The following PTPN4 variants were observed in gnomAD, a reference collection of about 807,000 sequenced individuals.
The protein encoded by PTPN4 is protein tyrosine phosphatase non-receptor type 4.
Under a neutral mutation model 135.5 loss-of-function variants are expected in PTPN4, and 49 were observed. That is an observed-to-expected ratio of 0.36 (90% CI 0.29 to 0.46). The LOEUF is 0.46. Ranked by LOEUF, PTPN4 falls within the 20% of genes least tolerant of loss-of-function variation. The pLI is 1.00. For synonymous variants in PTPN4, 333 were observed against 369.9 expected, an observed-to-expected ratio of 0.90 and a Z score of 1.14; for missense variants, 860 against 1,101.0, an observed-to-expected ratio of 0.78 and a Z score of 3.10.
chr2:119,828,562 G>A (rs1677177298), intron 2 of PTPN4, among the ~76,000 whole-genome samples: 1 of 152,104 alleles, frequency 6.6e-6, no homozygotes, highest in Non-Finnish European at 1.5e-5. Flanking sequence ...TACTTCTGTT[G>A]GGCAATTATC....
intron 1 of PTPN4, among the ~76,000 whole-genome samples, chr2:119,777,861 G>T (rs1267989680): frequency 6.6e-6 from 1 of 151,818 alleles, no homozygotes; most frequent in African/African-American, 2.4e-5. Flanking sequence ...TTGGCATATT[G>T]CCCAGGCTGA....
intron 4 of PTPN4, 43 bp from the exon 5 acceptor site, chr2:119,877,421 T>G: frequency 6.2e-7 from 1 of 1,608,020 alleles, no homozygotes; most frequent in Non-Finnish European, 8.5e-7. Context: ...AGATAAAGGA[T>G]TAATATAGTC....
chr2:119,856,215 T>C (rs1177836560), intron 2 of PTPN4, among the ~76,000 whole-genome samples: 1 of 152,204 alleles, frequency 6.6e-6, no homozygotes, highest in Non-Finnish European at 1.5e-5. Flanking sequence ...TTAGGGCTTC[T>C]CATCCTTTTA....
chr2:119,973,655 G>GTTTTTTTTTTTTTTTTTTTT lies in PTPN4; in HGVS notation c.2695-3321_2695-3302dup, dbSNP rs70949378. ...TTGAAAGCTTCCTCCTTCATTTCTT[G>GTTTTTTTTTTTTTTTTTTTT]TTTTTTTTTTTTTTTTTTTTTTTTT... On this transcript the variant is annotated intron_variant, in intron 26 of 26. Transcript: ENST00000263708. Among the ~76,000 whole-genome samples the GTTTTTTTTTTTTTTTTTTTT allele has an allele frequency of 8.1e-4, 31 of 38,394 alleles. 8 individuals carry two copies. The highest frequency in any genetic ancestry group is 2.2e-3 in the South Asian group (2 of 930). The allele number at this position is 38,394 out of a possible 152,430, so 25.2% of individuals were successfully genotyped here. A position where few individuals can be genotyped will look rare whatever the true frequency, so the allele number is the denominator to read the frequency against.
chr2:119,972,018 A>G (rs887229123), intron 26 of PTPN4, among the ~76,000 whole-genome samples: 3 of 152,260 alleles, frequency 2.0e-5, no homozygotes, highest in Admixed American at 6.5e-5. Context: ...TTCCTATGCT[A>G]GTACTACACT....
At position 119,809,921 on chromosome 2, in the gene PTPN4, A is replaced by G. The variant is rs1368451762; in HGVS notation, c.68A>G (p.Asp23Gly). 9 of 1,613,812 alleles carry G rather than the reference A, an allele frequency of 5.6e-6. No homozygotes were observed. The highest frequency in any genetic ancestry group is 6.8e-6 in the Non-Finnish European group (8 of 1,179,832). Reference protein sequence around the residue: ...YNVRASELARDRQHTEVVCNI... With the variant: ...YNVRASELARGRQHTEVVCNI... ...GTACGAGCATCAGAGTTGGCCCGAG[A>G]CAGACAGCATACTGAAGTGGTTTGC... The change falls in exon 2 of 27, where the codon GAC becomes GGC. Residue 23 changes from aspartate to glycine, a missense_variant. Transcript: ENST00000263708.
chr2:119,884,803 TG>T (rs1315490045), intron 8 of PTPN4, among the ~76,000 whole-genome samples: 3 of 152,194 alleles, frequency 2.0e-5, no homozygotes, highest in South Asian at 2.1e-4. Context: ...GGAAGTGTAC[TG>T]TTTTTTTTGA....
intron 1 of PTPN4, among the ~76,000 whole-genome samples, chr2:119,796,716 T>C (rs1037087987): frequency 6.6e-6 from 1 of 152,230 alleles, no homozygotes; most frequent in African/African-American, 2.4e-5. Context: ...AATGGACAGC[T>C]CATAAAGCAG....
At position 119,805,850 on chromosome 2, in the gene PTPN4, G is replaced by A. The variant is rs1161815229; in HGVS notation, c.-17-3987G>A. On this transcript the variant is annotated intron_variant, in intron 1 of 26. Transcript: ENST00000263708. ...TTGTTAGCTTGATGGGGATGGCATT[G>A]AATCTATAAATTACCTTGGGCAGTA... Among the ~76,000 whole-genome samples, 4 of 152,212 alleles carry A rather than the reference G, an allele frequency of 2.6e-5. No individual in the cohort carries two copies. The East Asian group carries it at 5.8e-4, about 22-fold the overall frequency.
At chr2:119,878,860 A>G (rs990026578) in intron 5 of PTPN4, among the ~76,000 whole-genome samples, 80 of 152,010 alleles carry the variant, frequency 5.3e-4, no homozygotes, top group Non-Finnish European at 9.3e-4. Context: ...TTGGGAGGCC[A>G]AGGTGGGCGG....
At chr2:119,969,373 C>T (rs538455836) in intron 26 of PTPN4, among the ~76,000 whole-genome samples, 1 of 152,176 alleles carries the variant, frequency 6.6e-6, no homozygotes, top group African/African-American at 2.4e-5. Context: ...TGTTTATACT[C>T]AGATCCCACA....
chr2:119,946,469 T>A (rs1220923802), intron 17 of PTPN4, 45 bp downstream of exon 17: 1 of 1,592,522 alleles, frequency 6.3e-7, no homozygotes, highest in East Asian at 2.2e-5. Flanking sequence ...ATTAAGATGT[T>A]CTTATTTTGG....
intron 2 of PTPN4, among the ~76,000 whole-genome samples, chr2:119,859,631 A>G (rs1159319529): frequency 6.6e-6 from 1 of 152,068 alleles, no homozygotes; most frequent in Non-Finnish European, 1.5e-5. Flanking sequence ...CCTAGTACCA[A>G]CTCAATAGGG....
chr2:119,840,934 C>G (rs942914775), intron 2 of PTPN4, among the ~76,000 whole-genome samples: 1 of 149,980 alleles, frequency 6.7e-6, no homozygotes. Flanking sequence ...TTGTTTTTTT[C>G]TTGTTGATTT....
intron 1 of PTPN4, among the ~76,000 whole-genome samples, chr2:119,766,054 T>C (rs1486330207): frequency 6.6e-6 from 1 of 152,168 alleles, no homozygotes; most frequent in Non-Finnish European, 1.5e-5. Flanking sequence ...TGGTGTGCCA[T>C]GAATGGTTTA....
At chr2:119,974,498 C>T (rs747950443) in intron 26 of PTPN4, among the ~76,000 whole-genome samples, 16 of 152,126 alleles carry the variant, frequency 1.1e-4, no homozygotes, top group Non-Finnish European at 2.2e-4. Flanking sequence ...AGTGATCCAC[C>T]GTGCCTAGCC....
At chr2:119,829,875 C>A (rs1366937277) in intron 2 of PTPN4, among the ~76,000 whole-genome samples, 2 of 152,156 alleles carry the variant, frequency 1.3e-5, no homozygotes, top group Non-Finnish European at 2.9e-5. Context: ...AGTGTTTAAC[C>A]TTTAAGAAAC....
At chr2:119,929,081 T>C (rs1441156350) in intron 13 of PTPN4, among the ~76,000 whole-genome samples, 2 of 152,132 alleles carry the variant, frequency 1.3e-5, no homozygotes, top group Non-Finnish European at 2.9e-5. Flanking sequence ...ATTTCAATAT[T>C]ATAAGCCTCA....
intron 9 of PTPN4, among the ~76,000 whole-genome samples, chr2:119,896,623 A>G (rs2105012388): frequency 6.6e-6 from 1 of 152,322 alleles, no homozygotes; most frequent in East Asian, 1.9e-4. Flanking sequence ...ATTTATTGGA[A>G]GCAGCAAAAT....
Sources: allele counts gnomAD v4.1 joint callset (sites outside exome capture counted in the v4.1 genomes callset), GRCh38; gene constraint gnomAD v4.1.1; transcripts MANE v1.5; gene names NCBI Gene and HGNC (gene_info 2026-07-23, HGNC 2026-07-21).